The following SYN3 variants were observed in gnomAD, a reference collection of about 807,000 sequenced individuals.
SYN3 encodes the protein synapsin III.
A neutral mutation model predicts 65.8 loss-of-function variants in SYN3; 35 were observed. The ratio of observed to expected loss-of-function variants is 0.53; its 90% confidence interval spans 0.41 to 0.70. SYN3 has a LOEUF of 0.70. Ranked by LOEUF, SYN3 falls within the 30% of genes least tolerant of loss-of-function variation. The pLI, the probability that SYN3 is intolerant of heterozygous loss-of-function variation, is 0.00. For missense variants in SYN3, 680 were observed against 749.0 expected, an observed-to-expected ratio of 0.91 and a Z score of 1.08; for synonymous variants, 270 against 292.9, an observed-to-expected ratio of 0.92 and a Z score of 0.80.
At chr22:32,971,167 G>A (rs1435506509) in intron 3 of SYN3, among the ~76,000 whole-genome samples, 1 of 152,196 alleles carries the variant, frequency 6.6e-6, no homozygotes, top group Admixed American at 6.5e-5. Context: ...TTCTTAAGTT[G>A]ATGAGCCTAA....
intron 3 of SYN3, among the ~76,000 whole-genome samples, chr22:32,963,733 A>G (rs968360549): frequency 1.8e-4 from 27 of 152,178 alleles, no homozygotes; most frequent in African/African-American, 6.3e-4. Flanking sequence ...GTGCCAGGTT[A>G]GGAAGGGCCC....
At chr22:32,699,746 C>A (rs1468198438) in intron 6 of SYN3, among the ~76,000 whole-genome samples, 2 of 152,118 alleles carry the variant, frequency 1.3e-5, no homozygotes, top group Admixed American at 1.3e-4. Context: ...TCTACAGGGC[C>A]TCTCCTCTAG....
chr22:32,859,047 T>G, intron 6 of SYN3: 1 of 802,814 alleles, frequency 1.2e-6, no homozygotes, highest in South Asian at 1.4e-5. Context: ...CTATTTATAT[T>G]ATGATCACTG....
chr22:32,532,240 T>A (rs2058086312), intron 10 of SYN3, among the ~76,000 whole-genome samples: 1 of 152,288 alleles, frequency 6.6e-6, no homozygotes, highest in South Asian at 2.1e-4. Context: ...AAATCTGGGT[T>A]CATGTCTGGT....
At position 32,564,775 on chromosome 22, in the gene SYN3, A is replaced by G. The variant is rs553595489; in HGVS notation, c.775-23062T>C. On this transcript the variant is annotated intron_variant, in intron 7 of 13. Coordinates refer to ENST00000358763, the MANE Select transcript of SYN3 (RefSeq NM_003490.4). ...ACCCAGTGCTCCCGCATTGTACCCA[A>G]ACAGTGCTCCTGGGCTGCACCCAAA... Among the ~76,000 whole-genome samples, 21 of 138,246 alleles carry G rather than the reference A, an allele frequency of 1.5e-4. No homozygotes were observed. In the South Asian group the frequency reaches 4.8e-3, roughly 32 times the overall value. 90.7% of individuals were successfully genotyped at this position (138,246 alleles called of 152,430 possible). A position where few individuals can be genotyped will look rare whatever the true frequency, so the allele number is the denominator to read the frequency against.
At chr22:32,957,911 CAGAT>C (rs2051516648) in intron 3 of SYN3, among the ~76,000 whole-genome samples, 2 of 152,200 alleles carry the variant, frequency 1.3e-5, no homozygotes, top group Admixed American at 6.5e-5. Context: ...CAGCATGACT[CAGAT>C]AGAGCTTCGC....
chr22:32,933,270 G>A (rs375785024), intron 3 of SYN3, among the ~76,000 whole-genome samples: 66 of 152,116 alleles, frequency 4.3e-4, no homozygotes, highest in Non-Finnish European at 5.6e-4. Flanking sequence ...GCCAGGTACC[G>A]GCCTAAGCAT....
At position 33,007,498 on chromosome 22, in the gene SYN3, G is replaced by A. The variant is rs545388016; in HGVS notation, c.-162-674C>T. 1.1e-4 allele frequency among the ~76,000 whole-genome samples: 16 copies of A among 152,118 alleles called. 1 individual carries two copies. The highest frequency in any genetic ancestry group is 7.7e-4 in the East Asian group (4 of 5,176). On this transcript the variant is annotated intron_variant, in intron 1 of 13. Transcript: ENST00000358763. ...AAGATAATGCTGAATATGATGCTTC[G>A]GAAATGAGCCCTTTGGGAGGTAATT...
chr22:32,909,399 A>T (rs899081096), intron 4 of SYN3, among the ~76,000 whole-genome samples: 55 of 152,122 alleles, frequency 3.6e-4, no homozygotes, highest in African/African-American at 1.2e-3. Flanking sequence ...TACTTCAGGG[A>T]CAGGATCTAG....
chr22:32,572,316 TTCCCTTCCTTCCG>T (rs2058775358), intron 7 of SYN3, among the ~76,000 whole-genome samples: 1 of 65,654 alleles, frequency 1.5e-5, no homozygotes, highest in Non-Finnish European at 3.0e-5. Context: ...CCTTACTCCC[TTCCCTTCCTTCCG>T]TCCCTCCCTT....
intron 6 of SYN3, chr22:32,857,943 AG>A (rs1261189835): frequency 5.6e-6 from 9 of 1,610,070 alleles, no homozygotes; most frequent in African/African-American, 1.3e-5. Flanking sequence ...GTGGGAACAT[AG>A]TAGGTGTGAA....
chr22:32,657,459 AC>A (rs2060158596), intron 6 of SYN3, among the ~76,000 whole-genome samples: 1 of 152,184 alleles, frequency 6.6e-6, no homozygotes, highest in South Asian at 2.1e-4. Flanking sequence ...ATGGAAGGGA[AC>A]CAGAGGCTCC....
In SYN3 at chr22:32,649,950, G is replaced by A. The variant is rs370349511; in HGVS notation, c.712-53214C>T. 3.3e-4 allele frequency among the ~76,000 whole-genome samples: 51 copies of A among 152,280 alleles called. No individual in the cohort carries two copies. The East Asian group carries it at 3.9e-3, about 12-fold the overall frequency. ...AAAATCAGTGGGGAAAAAGCCAGGA[G>A]AAAAAGCTGATGAGGCTGAGAAGGG... On this transcript the variant is annotated intron_variant, in intron 6 of 13. Transcript: ENST00000358763.
intron 6 of SYN3, among the ~76,000 whole-genome samples, chr22:32,609,180 T>C (rs1436267381): frequency 6.6e-6 from 1 of 151,880 alleles, no homozygotes; most frequent in Non-Finnish European, 1.5e-5. Flanking sequence ...AAAAATTAGC[T>C]GGACGTGGTT....
At chr22:32,912,996 C>G in intron 4 of SYN3, among the ~76,000 whole-genome samples, 1 of 152,118 alleles carries the variant, frequency 6.6e-6, no homozygotes, top group East Asian at 1.9e-4. Context: ...GGACTTTGGA[C>G]GACGATGGTG....
intron 6 of SYN3, among the ~76,000 whole-genome samples, chr22:32,626,952 C>T (rs2059674755): frequency 6.6e-6 from 1 of 152,136 alleles, no homozygotes; most frequent in African/African-American, 2.4e-5. Flanking sequence ...CAATAATTTC[C>T]ATGTAAAGGT....
intron 4 of SYN3, among the ~76,000 whole-genome samples, chr22:32,913,856 T>C (rs2050121679): frequency 6.6e-6 from 1 of 151,922 alleles, no homozygotes. Flanking sequence ...CAGGAACAAA[T>C]AAAAATAGCA....
At chr22:32,672,514 G>A (rs2060385267) in intron 6 of SYN3, among the ~76,000 whole-genome samples, 1 of 152,190 alleles carries the variant, frequency 6.6e-6, no homozygotes, top group Admixed American at 6.5e-5. Context: ...CTCCCCTAGG[G>A]CAGGCGTGTG....
At chr22:32,859,174 T>G in intron 6 of SYN3, 4 of 1,614,180 alleles carry the variant, frequency 2.5e-6, no homozygotes, top group Non-Finnish European at 3.4e-6. Context: ...TGTTATCTAA[T>G]TGCAGATCAA....
Sources: gnomAD v4.1 joint callset for allele counts (sites outside exome capture counted in the v4.1 genomes callset) on GRCh38, gnomAD v4.1.1 for gene constraint, MANE v1.5 for transcripts, NCBI Gene and HGNC (gene_info 2026-07-23, HGNC 2026-07-21) for gene names.